BOD1L1: variants seen among roughly 807,000 people sequenced by gnomAD.
The protein encoded by BOD1L1 is biorientation of chromosomes in cell division protein 1-like 1.
BOD1L1 carries 86 observed loss-of-function variants against 240.7 expected under a neutral mutation model. The observed-to-expected ratio is 0.36, with a 90% CI of 0.30 to 0.43. The LOEUF is 0.43. Among genes scored for constraint, BOD1L1 ranks in the 20% least tolerant of loss-of-function variants. The pLI, the probability that BOD1L1 is intolerant of heterozygous loss-of-function variation, is 1.00. For missense variants in BOD1L1, 3,554 were observed against 3,643.5 expected, an observed-to-expected ratio of 0.98 and a Z score of 0.63; for synonymous variants, 1,268 against 1,272.3, an observed-to-expected ratio of 1.00 and a Z score of 0.07.
At chr4:13,607,956 T>A (rs1715845472) in intron 8 of BOD1L1, among the ~76,000 whole-genome samples, 1 of 152,202 alleles carries the variant, frequency 6.6e-6, no homozygotes, top group South Asian at 2.1e-4. Context: ...TAAATTTACA[T>A]AAATGCAACT....
intron 17 of BOD1L1, among the ~76,000 whole-genome samples, chr4:13,584,682 G>C (rs1239035964): frequency 6.6e-6 from 1 of 152,130 alleles, no homozygotes; most frequent in Non-Finnish European, 1.5e-5. Context: ...CACTTAATCA[G>C]ATCCTGATGA....
intron 11 of BOD1L1, 37 bp downstream of exon 11, chr4:13,597,067 C>T (rs1471623021): frequency 6.7e-7 from 1 of 1,494,888 alleles, no homozygotes; most frequent in Non-Finnish European, 9.2e-7. Context: ...AGTATTTAAT[C>T]ACTTACAGTT....
chr4:13,582,411 C>A (rs1713306931), intron 18 of BOD1L1, 101 bp from the exon 19 acceptor site: 1 of 878,518 alleles, frequency 1.1e-6, no homozygotes, highest in Non-Finnish European at 1.8e-6. Flanking sequence ...CATAACCACA[C>A]ACTCCATTTT....
chr4:13,595,833 T>C, intron 12 of BOD1L1, 27 bp downstream of exon 12: 1 of 1,589,822 alleles, frequency 6.3e-7, no homozygotes, highest in South Asian at 1.1e-5. Context: ...ACAAAAACAA[T>C]GTGAACAACC....
rs375541900 is a variant in BOD1L1 at position 13,604,207 on chromosome 4, C to T, written c.2693G>A (p.Arg898Gln). 29 of 1,613,504 alleles carry T rather than the reference C, an allele frequency of 1.8e-5. No individual in the cohort carries two copies. Among genetic ancestry groups the T allele is most frequent in the African/African-American group, 5.3e-5 (4 of 74,910 alleles). The change falls in exon 10 of 26, where the codon CGA (arginine) becomes CAA (glutamine). Residue 898 changes from arginine (R) to glutamine (Q), a missense_variant. By Grantham distance (43) the Arg-to-Gln change is conservative (BLOSUM62 1). Around this residue, in one of 2 missense-constraint regions of BOD1L1, gnomAD observed 3,393 missense variants for 3,427.1 expected, o/e 0.99. Transcript: ENST00000040738. Reference sequence around the variant, plus strand: ...CTCTTCTAACAAGCTCTTTGTTCGTCGTTTCTCCTTGTGAACAACCTCTTC... The same window carrying T: ...CTCTTCTAACAAGCTCTTTGTTCGTTGTTTCTCCTTGTGAACAACCTCTTC... ...KPEEVVHKEK[R>Q]RTKSLLEEKL...
At chr4:13,585,119 A>AT (rs1318183635) in intron 17 of BOD1L1, among the ~76,000 whole-genome samples, 1 of 152,110 alleles carries the variant, frequency 6.6e-6, no homozygotes, top group Non-Finnish European at 1.5e-5. Context: ...AGGATTTTTG[A>AT]TTTTGGACAG....
chr4:13,587,249 A>G (rs1021781099), intron 16 of BOD1L1, among the ~76,000 whole-genome samples: 1 of 152,228 alleles, frequency 6.6e-6, no homozygotes, highest in Non-Finnish European at 1.5e-5. Flanking sequence ...TCTGTATTAG[A>G]CAAAATAAAT....
At chr4:13,582,539 G>A in intron 18 of BOD1L1, 113 bp downstream of exon 18, 1 of 797,054 alleles carries the variant, frequency 1.3e-6, no homozygotes, top group Non-Finnish European at 2.0e-6. Context: ...TCTTAAGCAT[G>A]AGGCACTTTA....
rs1300676110 is a variant in BOD1L1 at position 13,603,091 on chromosome 4, G to A, written c.3809C>T (p.Ala1270Val). The change falls in exon 10 of 26, where the codon GCC becomes GTC. Residue 1270 changes from alanine to valine, a missense_variant. Ala to Val is a moderately conservative substitution (Grantham distance 64). Transcript: ENST00000040738. ...AAEEHVAQGD[A>V]TLEHSTNLDS... ...TAAATTTGTGGAATGTTCAAGAGTGGCATCTCCTTGAGCAACATGTTCTTC... is the reference window on the plus strand; with the variant it reads ...TAAATTTGTGGAATGTTCAAGAGTGACATCTCCTTGAGCAACATGTTCTTC... The A allele has an allele frequency of 6.2e-7, 1 of 1,613,880 alleles. No homozygotes were observed. Among genetic ancestry groups the A allele is most frequent in the Admixed American group, 1.7e-5 (1 of 60,016 alleles).
At position 13,614,059 on chromosome 4, in the gene BOD1L1, T is replaced by C. The variant is rs1411613963; in HGVS notation, c.1174+137A>G. On this transcript the variant is annotated intron_variant, in intron 4 of 25. Coordinates refer to ENST00000040738, the MANE Select transcript of BOD1L1 (RefSeq NM_148894.3). ...AAAAATACAAATATTTATTGCTTTT[T>C]TTCTTAAGCAAAGGGGATATAAGTT... is the stretch of plus-strand genomic sequence containing the variant. The C allele has an allele frequency of 4.0e-6, 3 of 748,062 alleles. No homozygotes were observed. In the African/African-American group the frequency reaches 5.5e-5, roughly 14 times the overall value. 46.3% of individuals were successfully genotyped at this position (748,062 alleles called of 1,614,324 possible).
rs774325271 is a variant in BOD1L1, at chr4:13,570,063, G to A, written c.9104C>T (p.Thr3035Ile). 6.2e-7 allele frequency: 1 copy of A among 1,606,584 alleles called. No individual in the cohort carries two copies. The highest frequency in any genetic ancestry group is 8.5e-7 in the Non-Finnish European group (1 of 1,176,946). ...TTCCTCCACCCTTTGCTGGCCTCTT[G>A]TTCGGGCCCCAGGAGGGCTGACTTC... ...KREVSPPGAR[T>I]RGQQRVEEAP... Residue 3035 changes from threonine to isoleucine, a missense_variant, in exon 26 of 26, where the codon ACA (threonine) becomes ATA (isoleucine). Physicochemically the swap from Thr to Ile is moderately conservative, Grantham distance 89. Coordinates refer to ENST00000040738, the MANE Select transcript of BOD1L1 (RefSeq NM_148894.3).
rs1716925095 is a variant in BOD1L1 at position 13,620,067 on chromosome 4, G to T, written c.244C>A (p.Pro82Thr). 2 of 1,598,466 alleles carry T rather than the reference G, an allele frequency of 1.3e-6. No individual in the cohort carries two copies. Among genetic ancestry groups the T allele is most frequent in the Non-Finnish European group, 8.5e-7 (1 of 1,171,648 alleles). The stretch of plus-strand genomic sequence containing the variant: ...CGCTGTCTCAGATTCTGATACGCAG[G>T]CTAGAGAGAAAAAAACGAAGGTAAG... ...RDCLADVDTK[P>T]AYQNLRQRVD... The change falls in exon 2 of 26, where the codon CCT (proline) becomes ACT (threonine). Residue 82 changes from proline to threonine, a missense_variant and splice_region_variant. Around this residue, in one of 2 missense-constraint regions of BOD1L1, gnomAD observed 161 missense variants for 216.4 expected, o/e 0.74. Transcript: ENST00000040738.
At position 13,603,693 on chromosome 4, in the gene BOD1L1, C is replaced by A; in HGVS notation, c.3207G>T (p.Arg1069Ser). 6.2e-7 allele frequency: 1 copy of A among 1,613,946 alleles called. No individual in the cohort carries two copies. Among genetic ancestry groups the A allele is most frequent in the South Asian group, 1.1e-5 (1 of 91,076 alleles). The change falls in exon 10 of 26, where the codon AGG becomes AGT. Residue 1069 changes from arginine (R) to serine (S), a missense_variant. Coordinates refer to ENST00000040738, the MANE Select transcript of BOD1L1 (RefSeq NM_148894.3). Reference protein sequence around the residue: ...SSLMEKKLSRRLCENRRGSLS... With the variant: ...SSLMEKKLSRSLCENRRGSLS... ...AGCTTCCTCTCCGATTTTCGCACAA[C>A]CTTCTACTTAATTTCTTTTCCATGA...
At chr4:13,624,212 G>A (rs1163739517) in intron 1 of BOD1L1, 1 of 152,044 alleles carries the variant, frequency 6.6e-6, no homozygotes, top group Non-Finnish European at 1.5e-5. Context: ...AGAGGTTAGT[G>A]GCAGGGAGGG....
At chr4:13,586,030 AC>A (rs1465934458) in intron 17 of BOD1L1, among the ~76,000 whole-genome samples, 1 of 152,226 alleles carries the variant, frequency 6.6e-6, no homozygotes, top group Non-Finnish European at 1.5e-5. Context: ...AGAGCAGAGT[AC>A]TAATAATAAC....
intron 1 of BOD1L1, among the ~76,000 whole-genome samples, chr4:13,622,281 T>C (rs1717095555): frequency 1.3e-5 from 2 of 152,208 alleles, no homozygotes; most frequent in Admixed American, 6.5e-5. Context: ...CATTTGGCAT[T>C]CTAGTCTAGT....
chr4:13,589,209 T>C (rs1397407932), intron 14 of BOD1L1, among the ~76,000 whole-genome samples: 1 of 152,198 alleles, frequency 6.6e-6, no homozygotes, highest in Non-Finnish European at 1.5e-5. Context: ...TGGCAGATGG[T>C]GTGGAGTGAC....
rs562091201 is a variant in BOD1L1 at position 13,618,266 on chromosome 4, A to C, written c.368+1677T>G. 3.3e-5 allele frequency among the ~76,000 whole-genome samples: 5 copies of C among 152,298 alleles called. No homozygotes were observed. The South Asian group carries it at 8.3e-4, about 25-fold the overall frequency. On this transcript the variant is annotated intron_variant, in intron 2 of 25. Coordinates refer to ENST00000040738, the MANE Select transcript of BOD1L1 (RefSeq NM_148894.3). The stretch of plus-strand genomic sequence containing the variant: ...TGAAGAAAAAAAATGCCAGACTCCC[A>C]AAAAAACATGCTTTTAAAGCAATGC...
At position 13,609,343 on chromosome 4, in the gene BOD1L1, G is replaced by T; in HGVS notation, c.1555C>A (p.Arg519=). 1.9e-6 allele frequency: 3 copies of T among 1,555,480 alleles called. No homozygotes were observed. Among genetic ancestry groups the T allele is most frequent in the South Asian group, 1.2e-5 (1 of 80,152 alleles). ...TTTGTCTTTTCTGCTTTCTGTTTTCGTTTTTCTTCAAGTTTTTCTCTATTG... is the reference window on the plus strand; with the variant it reads ...TTTGTCTTTTCTGCTTTCTGTTTTCTTTTTTCTTCAAGTTTTTCTCTATTG... ...QINREKLEEK[R]KQKAEKTKSS... Residue 519 remains arginine, a synonymous_variant, in exon 7 of 26, where the codon CGA becomes AGA. Coordinates refer to ENST00000040738, the MANE Select transcript of BOD1L1 (RefSeq NM_148894.3).
Sources: allele counts gnomAD v4.1 joint callset (sites outside exome capture counted in the v4.1 genomes callset), GRCh38; gene constraint gnomAD v4.1.1; regional missense constraint gnomAD v4.1.1; transcripts MANE v1.5; gene names NCBI Gene and HGNC (gene_info 2026-07-23, HGNC 2026-07-21).